DAAM1: variants seen among roughly 807,000 people sequenced by gnomAD.
DAAM1 encodes the protein dishevelled associated activator of morphogenesis 1.
DAAM1 carries 52 observed loss-of-function variants against 130.0 expected under a neutral mutation model. The ratio of observed to expected loss-of-function variants is 0.40; its 90% CI spans 0.32 to 0.50. DAAM1 has a LOEUF of 0.50. Among genes scored for constraint, DAAM1 ranks in the 20% least tolerant of loss-of-function variants. DAAM1 has a pLI of 0.61. For synonymous variants in DAAM1, 452 were observed against 444.5 expected (o/e 1.02, Z -0.21); for missense variants, 1,134 against 1,303.8 (o/e 0.87, Z 2.01).
chr14:59,223,240 T>G (rs1888832895), intron 1 of DAAM1, among the ~76,000 whole-genome samples: 2 of 152,224 alleles, frequency 1.3e-5, no homozygotes, highest in Non-Finnish European at 2.9e-5. Context: ...ATATACCACT[T>G]CCATTTGATG....
rs1881104592 is a variant in DAAM1 at position 59,241,311 on chromosome 14, G to T, written c.-37-22130G>T. Among the ~76,000 whole-genome samples the T allele has an allele frequency of 2.6e-5, 4 of 152,268 alleles. No individual in the cohort carries two copies. The South Asian group carries it at 8.3e-4, about 32-fold the overall frequency. ...AAAGTGTTGGGAAAACTTTAGAAAA[G>T]GTCCTTTCACAACTATTTTTGGAAC... is the stretch of plus-strand genomic sequence containing the variant. On this transcript the variant is annotated intron_variant, in intron 1 of 24. Coordinates refer to ENST00000360909, the MANE Select transcript of DAAM1 (RefSeq NM_001270520.2).
At chr14:59,320,607 GT>G (rs751916037) in intron 5 of DAAM1, 23 bp downstream of exon 5, 34,144 of 1,172,746 alleles carry the variant, frequency 0.029, 4 homozygotes, top group South Asian at 0.05. Context: ...TGGATGGCAT[GT>G]TTTTTTTTTT....
intron 1 of DAAM1, among the ~76,000 whole-genome samples, chr14:59,189,272 C>T (rs1350056853): frequency 1.3e-5 from 2 of 152,198 alleles, no homozygotes; most frequent in Admixed American, 1.3e-4. Flanking sequence ...TACCCGTTCG[C>T]GTCCGAGCAG....
intron 1 of DAAM1, among the ~76,000 whole-genome samples, chr14:59,193,244 G>A (rs949023790): frequency 2.6e-5 from 4 of 152,214 alleles, no homozygotes; most frequent in African/African-American, 9.6e-5. Context: ...CTTAGCAAGT[G>A]TACTGTCTTT....
intron 1 of DAAM1, among the ~76,000 whole-genome samples, chr14:59,197,844 A>G (rs1465147752): frequency 2.0e-5 from 3 of 152,030 alleles, no homozygotes; most frequent in African/African-American, 4.8e-5. Context: ...GCCAAGTTCC[A>G]TATCTTGGGA....
At chr14:59,300,655 T>G (rs967488499) in intron 3 of DAAM1, among the ~76,000 whole-genome samples, 3 of 152,192 alleles carry the variant, frequency 2.0e-5, no homozygotes, top group African/African-American at 7.2e-5. Context: ...ACCTCAGATT[T>G]TTTTTAAAAA....
At chr14:59,257,799 C>T (rs1313170087) in intron 1 of DAAM1, among the ~76,000 whole-genome samples, 1 of 152,140 alleles carries the variant, frequency 6.6e-6, no homozygotes, top group African/African-American at 2.4e-5. Flanking sequence ...ATTGGTCTTC[C>T]CTAGTGACTC....
chr14:59,359,185 C>T (rs1299080163), intron 20 of DAAM1: 2 of 444,812 alleles, frequency 4.5e-6, no homozygotes, highest in Non-Finnish European at 8.1e-6. Flanking sequence ...CTATGCAATC[C>T]CCATGGAGGC....
intron 20 of DAAM1, among the ~76,000 whole-genome samples, chr14:59,357,876 G>A (rs951306208): frequency 2.6e-5 from 4 of 152,132 alleles, no homozygotes; most frequent in Non-Finnish European, 5.9e-5. Flanking sequence ...GTGGGCAATT[G>A]TTTTCTAACT....
chr14:59,228,614 GT>G (rs1425395617), intron 1 of DAAM1, among the ~76,000 whole-genome samples: 2 of 152,118 alleles, frequency 1.3e-5, no homozygotes, highest in African/African-American at 4.8e-5. Flanking sequence ...ATATATTTGG[GT>G]TTCATCACTC....
chr14:59,312,297 G>A (rs1884629506), intron 3 of DAAM1, among the ~76,000 whole-genome samples: 3 of 152,158 alleles, frequency 2.0e-5, no homozygotes, highest in Non-Finnish European at 2.9e-5. Flanking sequence ...CATTTATTGA[G>A]CGTGTTTTGT....
chr14:59,214,028 C>T (rs941336494), intron 1 of DAAM1, among the ~76,000 whole-genome samples: 1 of 152,196 alleles, frequency 6.6e-6, no homozygotes, highest in Admixed American at 6.5e-5. Flanking sequence ...ACTTAACGTA[C>T]CTGGTTTGAT....
At chr14:59,294,133 C>A (rs533387744) in intron 3 of DAAM1, among the ~76,000 whole-genome samples, 86 of 152,250 alleles carry the variant, frequency 5.6e-4, no homozygotes, top group African/African-American at 1.8e-3. Flanking sequence ...CCACTGAAGC[C>A]AACCGAAACA....
In DAAM1 at chr14:59,234,039, A is replaced by G. The variant is rs543300053; in HGVS notation, c.-37-29402A>G. On this transcript the variant is annotated intron_variant, in intron 1 of 24. Transcript: ENST00000360909. ...TGCTGTTTTGGTTACTGTAGCCTTG[A>G]AATATAGTTTGAGGTCAGGTAGCAT... Among the ~76,000 whole-genome samples the G allele has an allele frequency of 1.6e-4, 24 of 152,092 alleles. No individual in the cohort carries two copies. The South Asian group carries it at 4.8e-3, about 30-fold the overall frequency.
intron 23 of DAAM1, among the ~76,000 whole-genome samples, 199 bp downstream of exon 23, chr14:59,363,981 T>C (rs1886815643): frequency 6.6e-6 from 1 of 152,370 alleles, no homozygotes; most frequent in Middle Eastern, 3.4e-3. Context: ...AAGACTGTGA[T>C]TAATCTGAAC....
intron 15 of DAAM1, among the ~76,000 whole-genome samples, chr14:59,338,861 T>C (rs1885735813): frequency 6.6e-6 from 1 of 152,222 alleles, no homozygotes. Flanking sequence ...TTTTTATAGA[T>C]TGCATAGGCT....
At chr14:59,222,294 G>A (rs1219950763) in intron 1 of DAAM1, among the ~76,000 whole-genome samples, 1 of 152,174 alleles carries the variant, frequency 6.6e-6, no homozygotes. Context: ...GAAGTCCATG[G>A]TTGGTGATTT....
chr14:59,281,402 T>C (rs1883213210), intron 2 of DAAM1, among the ~76,000 whole-genome samples: 1 of 152,194 alleles, frequency 6.6e-6, no homozygotes, highest in African/African-American at 2.4e-5. Context: ...TTTGTGCCCC[T>C]TCCCCAAGCT....
chr14:59,359,417 A>G lies in DAAM1; in HGVS notation c.2546A>G (p.Tyr849Cys). 2.5e-6 allele frequency: 4 copies of G among 1,613,330 alleles called. No homozygotes were observed. Among genetic ancestry groups the G allele is most frequent in the East Asian group, 2.2e-5 (1 of 44,806 alleles). ...SIDKNITLLH[Y>C]LITIVENKYP... The stretch of plus-strand genomic sequence containing the variant: ...TGTAGAAACATTACCCTTTTGCACT[A>G]TCTCATCACTATTGTGGAAAATAAG... The change falls in exon 21 of 25, where the codon TAT becomes TGT. Residue 849 changes from tyrosine (Y) to cysteine (C), a missense_variant. Around this residue, in one of 3 missense-constraint regions of DAAM1, gnomAD observed 644 missense variants for 695.9 expected, o/e 0.93. Coordinates refer to ENST00000360909, the MANE Select transcript of DAAM1 (RefSeq NM_001270520.2).
Sources: allele counts gnomAD v4.1 joint callset (sites outside exome capture counted in the v4.1 genomes callset), GRCh38; gene constraint gnomAD v4.1.1; regional missense constraint gnomAD v4.1.1; transcripts MANE v1.5; gene names NCBI Gene and HGNC (gene_info 2026-07-23, HGNC 2026-07-21).